Variants in FBXO44 observed in about 807,000 individuals in gnomAD.
The protein encoded by FBXO44 is F-box protein 44.
In FBXO44, 25 loss-of-function variants were observed where a neutral mutation model predicts 33.5. The observed-to-expected ratio is 0.75, with a 90% CI of 0.54 to 1.04. The LOEUF is 1.04. FBXO44 is among the 50% of genes least tolerant of loss of function. The probability of loss-of-function intolerance (pLI) is 0.00; values close to 1 mark genes in which losing one functional copy is unlikely to be tolerated. For synonymous variants in FBXO44, 147 were observed against 152.8 expected (o/e 0.96, Z 0.28); for missense variants, 311 against 344.0 (o/e 0.90, Z 0.76).
chr1:11,656,155 A>G, intron 2 of FBXO44, 55 bp downstream of exon 2: 1 of 1,591,438 alleles, frequency 6.3e-7, no homozygotes, highest in South Asian at 1.1e-5. Flanking sequence ...GACACCAGGA[A>G]CATGTATTGA....
chr1:11,658,654 G>C, intron 4 of FBXO44, 26 bp downstream of exon 4: 2 of 1,608,410 alleles, frequency 1.2e-6, no homozygotes, highest in South Asian at 2.2e-5. Flanking sequence ...GAGGGTCTGG[G>C]GTGGGGCATG....
intron 1 of FBXO44, chr1:11,655,533 G>A: frequency 2.2e-6 from 1 of 446,654 alleles, no homozygotes; most frequent in South Asian, 3.1e-5. Flanking sequence ...GGCTGGCCCT[G>A]GAATCAAAGA....
intron 1 of FBXO44, 128 bp from the exon 2 acceptor site, chr1:11,655,678 A>G (rs767635984): frequency 6.4e-6 from 6 of 941,784 alleles, no homozygotes; most frequent in Non-Finnish European, 9.3e-6. Context: ...AGCTCCTTGG[A>G]CCGCCCCAGT....
At chr1:11,655,122 G>A (rs1310827109) in intron 1 of FBXO44, among the ~76,000 whole-genome samples, 170 bp downstream of exon 1, 1 of 151,956 alleles carries the variant, frequency 6.6e-6, no homozygotes, top group East Asian at 1.9e-4. Context: ...GGCTGCGAAC[G>A]GGGGCTGGGG....
intron 2 of FBXO44, among the ~76,000 whole-genome samples, chr1:11,656,389 C>T (rs1639804674): frequency 6.9e-6 from 1 of 144,014 alleles, no homozygotes; most frequent in African/African-American, 2.6e-5. Context: ...AATCTTGGCT[C>T]ACTGTAACCT....
At chr1:11,660,803 A>G (rs1226125195) in intron 5 of FBXO44, among the ~76,000 whole-genome samples, 4 of 151,648 alleles carry the variant, frequency 2.6e-5, no homozygotes, top group African/African-American at 9.7e-5. Flanking sequence ...TTTGTTTTTT[A>G]GAGACACGGT....
chr1:11,660,336 T>C (rs186375583), intron 5 of FBXO44, among the ~76,000 whole-genome samples: 1 of 152,054 alleles, frequency 6.6e-6, no homozygotes, highest in South Asian at 2.1e-4. Context: ...AATTTTGTAT[T>C]TTTAGTAGAG....
At position 11,658,766 on chromosome 1, in the gene FBXO44, G is replaced by A; in HGVS notation, c.519G>A (p.Lys173=). Residue 173 remains lysine (K), a synonymous_variant, in exon 5 of 6, where the codon AAG becomes AAA. Transcript: ENST00000251547. ...CAGCCAGGCCAGATTGCGGGTCCAA[G>A]TACCAGCTGTGCGTTCAGCTCCTGT... The part of the protein sequence containing the change: ...WFAARPDCGS[K]YQLCVQLLSS... 1 of 1,613,992 alleles carries A rather than the reference G, an allele frequency of 6.2e-7. No homozygotes were observed. The highest frequency in any genetic ancestry group is 8.5e-7 in the Non-Finnish European group (1 of 1,179,992).
chr1:11,658,122 G>A, intron 2 of FBXO44, 145 bp from the exon 3 acceptor site: 1 of 1,330,110 alleles, frequency 7.5e-7, no homozygotes, highest in African/African-American at 1.5e-5. Context: ...AATACGCGGT[G>A]GGCACTGTGA....
At chr1:11,656,322 T>TG (rs1415195839) in intron 2 of FBXO44, among the ~76,000 whole-genome samples, 1 of 146,338 alleles carries the variant, frequency 6.8e-6, no homozygotes, top group Non-Finnish European at 1.5e-5. Context: ...TTTTTTTTTT[T>TG]TTTTTTTTTT....
chr1:11,658,694 C>T (rs749796397), intron 4 of FBXO44, 42 bp from the exon 5 acceptor site: 2 of 1,611,884 alleles, frequency 1.2e-6, no homozygotes, highest in Non-Finnish European at 1.7e-6. Context: ...CCGCCCTGCC[C>T]CCAATCTCCG....
In FBXO44 at chr1:11,658,815, A is replaced by G; in HGVS notation, c.568A>G (p.Thr190Ala). The change falls in exon 5 of 6, where the codon ACC becomes GCC. Residue 190 changes from threonine to alanine, a missense_variant. By Grantham distance (58) the Thr-to-Ala change is moderately conservative (BLOSUM62 0). Coordinates refer to ENST00000251547, the MANE Select transcript of FBXO44 (RefSeq NM_033182.7). The part of the protein sequence containing the change: ...LLSSAHAPLG[T>A]FQPDPATIQQ... ...GTCGTCCGCGCACGCGCCTCTGGGG[A>G]CCTTCCAGCCAGACCCGGCGACCAT... 1 of 1,613,358 alleles carries G rather than the reference A, an allele frequency of 6.2e-7. No homozygotes were observed. Among genetic ancestry groups the G allele is most frequent in the African/African-American group, 1.3e-5 (1 of 75,010 alleles).
chr1:11,657,524 G>T lies in FBXO44; in HGVS notation c.266-743G>T, dbSNP rs571531576. Among the ~76,000 whole-genome samples, 3 of 152,328 alleles carry T rather than the reference G, an allele frequency of 2.0e-5. 1 individual carries two copies. The highest frequency in any genetic ancestry group is 2.0e-4 in the Admixed American group (3 of 15,306). ...GGAGGCCAAGGTGGGTGGATCATCT[G>T]AGGTCAGGAGATCGAGACCAGCTTG... On this transcript the variant is annotated intron_variant, in intron 2 of 5. Coordinates refer to ENST00000251547, the MANE Select transcript of FBXO44 (RefSeq NM_033182.7).
At chr1:11,655,380 C>G (rs1230957808) in intron 1 of FBXO44, 1 of 170,098 alleles carries the variant, frequency 5.9e-6, no homozygotes, top group Non-Finnish European at 1.3e-5. Flanking sequence ...GCCCTTTGGA[C>G]CTCCGCGGGA....
upstream of FBXO44, chr1:11,654,787 G>T (rs1338083115): frequency 1.3e-5 from 2 of 152,044 alleles, no homozygotes; most frequent in South Asian, 3.8e-4. Flanking sequence ...ATTTTCCTAC[G>T]ACGCGGTGGG....
In FBXO44 at chr1:11,661,162, C is replaced by T. The variant is rs1295633855; in HGVS notation, c.657C>T (p.Gly219=). The part of the protein sequence containing the change: ...VSHTFSNYPP[G]VRYIWFQHGG... ...ACACATTCTCCAACTACCCGCCCGGCGTCCGCTACATCTGGTTTCAGCACG... is the reference window on the plus strand; with the variant it reads ...ACACATTCTCCAACTACCCGCCCGGTGTCCGCTACATCTGGTTTCAGCACG... Residue 219 remains glycine (G), a synonymous_variant, in exon 6 of 6, where the codon GGC becomes GGT. Transcript: ENST00000251547. The surrounding 1 kb of genome is among the most constrained non-coding windows in gnomAD (Gnocchi z 4.4). 10 of 1,613,744 alleles carry T rather than the reference C, an allele frequency of 6.2e-6. No homozygotes were observed. The highest frequency in any genetic ancestry group is 3.3e-5 in the Admixed American group (2 of 59,998).
At chr1:11,658,118 C>G (rs1023117559) in intron 2 of FBXO44, 149 bp from the exon 3 acceptor site, 14 of 1,288,896 alleles carry the variant, frequency 1.1e-5, no homozygotes, top group Admixed American at 2.4e-5. Context: ...ACCTAATACG[C>G]GGTGGGCACT....
At chr1:11,656,220 A>G (rs1326370860) in intron 2 of FBXO44, 120 bp downstream of exon 2, 2 of 1,348,438 alleles carry the variant, frequency 1.5e-6, no homozygotes, top group African/African-American at 2.9e-5. Flanking sequence ...CTTCTCTCAC[A>G]GTAACCCAAA....
chr1:11,655,131 G>A lies in FBXO44; in HGVS notation c.-31+179G>A, dbSNP rs561873482. 3.9e-5 allele frequency among the ~76,000 whole-genome samples: 6 copies of A among 152,074 alleles called. No homozygotes were observed. In the East Asian group the frequency reaches 7.8e-4, roughly 20 times the overall value. On this transcript the variant is annotated intron_variant, in intron 1 of 5. Coordinates refer to ENST00000251547, the MANE Select transcript of FBXO44 (RefSeq NM_033182.7). ...CTGCGCGGCTGCGAACGGGGGCTGG[G>A]GTCGCCATCGATGTACAGGGGTCCG...
Sources: allele counts gnomAD v4.1 joint callset (sites outside exome capture counted in the v4.1 genomes callset), GRCh38; gene constraint gnomAD v4.1.1; non-coding constraint Gnocchi (gnomAD v3.1); transcripts MANE v1.5; gene names NCBI Gene and HGNC (gene_info 2026-07-23, HGNC 2026-07-21).